Variants in TESPA1 observed in about 807,000 individuals in gnomAD.
The protein encoded by TESPA1 is protein TESPA1.
A neutral mutation model predicts 57.9 loss-of-function variants in TESPA1; 33 were observed. The ratio of observed to expected loss-of-function variants is 0.57; its 90% CI spans 0.43 to 0.76. TESPA1 has a LOEUF of 0.76. TESPA1 is among the 30% of genes least tolerant of loss of function. TESPA1 has a pLI of 0.00. For missense variants in TESPA1, 618 were observed against 632.9 expected, an observed-to-expected ratio of 0.98 and a Z score of 0.25; for synonymous variants, 227 against 228.9, an observed-to-expected ratio of 0.99 and a Z score of 0.07.
chr12:54,984,912 G>A (rs1952437336), upstream of TESPA1, among the ~76,000 whole-genome samples: 1 of 152,188 alleles, frequency 6.6e-6, no homozygotes, highest in South Asian at 2.1e-4. Flanking sequence ...TCCTGCCCCA[G>A]AGCTGCCTCT....
At chr12:54,951,935 G>A (rs961693299) in intron 10 of TESPA1, among the ~76,000 whole-genome samples, 2 of 150,918 alleles carry the variant, frequency 1.3e-5, no homozygotes, top group Admixed American at 1.3e-4. Flanking sequence ...TTATAAGTAA[G>A]CCTTGAACTC....
chr12:54,976,094 A>G (rs1952125635), intron 1 of TESPA1, among the ~76,000 whole-genome samples: 1 of 152,208 alleles, frequency 6.6e-6, no homozygotes, highest in South Asian at 2.1e-4. Flanking sequence ...TTAATGTCAT[A>G]AAGAAGCCTC....
intron 3 of TESPA1, chr12:54,968,145 G>T: frequency 1.3e-6 from 1 of 753,094 alleles, no homozygotes; most frequent in Non-Finnish European, 2.0e-6. Flanking sequence ...CAGGACTAAA[G>T]GACGAAAGTC....
At chr12:54,958,884 C>T (rs1468619213) in intron 10 of TESPA1, among the ~76,000 whole-genome samples, 1 of 152,140 alleles carries the variant, frequency 6.6e-6, no homozygotes, top group East Asian at 1.9e-4. Context: ...TTCCATCTCT[C>T]TGTTCATTTG....
chr12:54,951,630 T>C (rs1380238249), intron 10 of TESPA1, among the ~76,000 whole-genome samples: 1 of 139,256 alleles, frequency 7.2e-6, no homozygotes, highest in East Asian at 1.9e-4. Flanking sequence ...ATAAAAATAT[T>C]CTTATCAAGG....
chr12:54,965,703 T>G (rs182801761), intron 7 of TESPA1, among the ~76,000 whole-genome samples: 5 of 152,200 alleles, frequency 3.3e-5, no homozygotes, highest in African/African-American at 2.4e-5. Flanking sequence ...TGAATTAATA[T>G]TTTATTGCTT....
intron 1 of TESPA1, among the ~76,000 whole-genome samples, chr12:54,979,100 G>A (rs1952226743): frequency 1.3e-5 from 2 of 152,186 alleles, no homozygotes; most frequent in South Asian, 4.1e-4. Flanking sequence ...AGTTAGTGAA[G>A]AGGAAAAAGG....
intron 3 of TESPA1, among the ~76,000 whole-genome samples, chr12:54,971,245 A>G (rs1951811618): frequency 6.6e-6 from 1 of 152,256 alleles, no homozygotes; most frequent in African/African-American, 2.4e-5. Flanking sequence ...CACCTGGCAG[A>G]GTGGACAGAT....
chr12:54,964,049 C>T (rs1020563675), intron 7 of TESPA1, 99 bp from the exon 8 acceptor site: 13 of 1,239,354 alleles, frequency 1.0e-5, no homozygotes, highest in Non-Finnish European at 1.4e-5. Flanking sequence ...GACTGAAATT[C>T]TTTTCTGTCC....
rs369471030 is a variant in TESPA1 at position 54,956,054 on chromosome 12, T to A, written c.*1+5114A>T. On this transcript the variant is annotated intron_variant, in intron 10 of 10. Transcript: ENST00000449076. ...TAATATCCATAAGTGCTAAAGATAC[T>A]GTCTGCTATGTAGTAATCCCTATAT... is the stretch of plus-strand genomic sequence containing the variant. 1.5e-4 allele frequency among the ~76,000 whole-genome samples: 23 copies of A among 152,368 alleles called. 1 individual carries two copies. Among genetic ancestry groups the A allele is most frequent in the African/African-American group, 5.5e-4 (23 of 41,582 alleles).
intron 3 of TESPA1, 46 bp downstream of exon 3, chr12:54,973,431 T>C (rs1450787221): frequency 1.9e-6 from 3 of 1,613,214 alleles, no homozygotes; most frequent in Middle Eastern, 1.7e-4. Context: ...TGTTAGCAAA[T>C]TCAACCATCA....
At chr12:54,967,118 A>G in intron 5 of TESPA1, 65 bp downstream of exon 5, 2 of 1,582,996 alleles carry the variant, frequency 1.3e-6, no homozygotes, top group Non-Finnish European at 1.7e-6. Flanking sequence ...CTTCCATCCT[A>G]TCCTGAATTC....
chr12:54,968,528 C>T (rs1951595701), intron 3 of TESPA1, among the ~76,000 whole-genome samples: 1 of 152,196 alleles, frequency 6.6e-6, no homozygotes. Context: ...GGAAGAAATT[C>T]TCTCTGTCCA....
In TESPA1 at chr12:54,954,209, C is replaced by T. The variant is rs118122236; in HGVS notation, c.*2-3819G>A. On this transcript the variant is annotated intron_variant, in intron 10 of 10. Transcript: ENST00000449076. ...GGCCATATGCTCTGATGGAAACGGCCTTGGCTTGGATCTCAGGAGACCTGG... is the reference window on the plus strand; with the variant it reads ...GGCCATATGCTCTGATGGAAACGGCTTTGGCTTGGATCTCAGGAGACCTGG... 6.6e-3 allele frequency among the ~76,000 whole-genome samples: 1,009 copies of T among 152,318 alleles called. 7 individuals carry two copies. Among genetic ancestry groups the T allele is most frequent in the Non-Finnish European group, 9.0e-3 (612 of 68,014 alleles).
At chr12:54,968,733 G>A (rs1180725447) in intron 3 of TESPA1, among the ~76,000 whole-genome samples, 1 of 152,102 alleles carries the variant, frequency 6.6e-6, no homozygotes, top group African/African-American at 2.4e-5. Context: ...CTTTCCTAAA[G>A]CTTTTTACAT....
At position 54,963,242 on chromosome 12, in the gene TESPA1, C is replaced by T; in HGVS notation, c.656G>A (p.Ser219Asn). 1.2e-6 allele frequency: 2 copies of T among 1,608,282 alleles called. No individual in the cohort carries two copies. Among genetic ancestry groups the T allele is most frequent in the Non-Finnish European group, 1.7e-6 (2 of 1,177,520 alleles). ...EMEDPCLMLA[S>N]RFKQVQTLAV... ...CAGTGTTTGCACCTGCTTAAACCTG[C>T]CTGGGTACAAGAGTTAAAGATGGTA... Residue 219 changes from serine (S) to asparagine (N), a missense_variant and splice_region_variant, in exon 9 of 11, where the codon AGC (serine) becomes AAC (asparagine). Ser to Asn is a conservative substitution (Grantham distance 46, BLOSUM62 1). Transcript: ENST00000449076.
In TESPA1 at chr12:54,949,088, TG is replaced by T. The variant is rs35744508; in HGVS notation, c.*1303del. ...GGTGGGAAGGGTAGGAAACTTGGAG[TG>T]GGGGGGCTTTTTCCAAATTGTGAAA... is the stretch of plus-strand genomic sequence containing the variant. On this transcript the variant is annotated 3_prime_UTR_variant, in exon 11 of 11. Coordinates refer to ENST00000449076, the MANE Select transcript of TESPA1 (RefSeq NM_001136030.3). 92,738 of 151,836 alleles carry T rather than the reference TG, an allele frequency of 0.61. 29,045 individuals carry two copies. The highest frequency in any genetic ancestry group is 0.68 in the Non-Finnish European group (46,422 of 67,978). The allele number at this position is 151,836 out of a possible 1,614,324, so 9.4% of individuals were successfully genotyped here.
chr12:54,966,476 C>A, intron 5 of TESPA1, 52 bp from the exon 6 acceptor site: 1 of 1,596,174 alleles, frequency 6.3e-7, no homozygotes, highest in South Asian at 1.1e-5. Flanking sequence ...AAATGAAAAT[C>A]ACCTGTGTTG....
At chr12:54,960,701 T>C (rs1250296973) in intron 10 of TESPA1, among the ~76,000 whole-genome samples, 1 of 152,206 alleles carries the variant, frequency 6.6e-6, no homozygotes, top group African/African-American at 2.4e-5. Flanking sequence ...ACAGTCCACA[T>C]TTCTAACAAA....
Sources: gnomAD v4.1 joint callset for allele counts (sites outside exome capture counted in the v4.1 genomes callset) on GRCh38, gnomAD v4.1.1 for gene constraint, MANE v1.5 for transcripts, NCBI Gene and HGNC (gene_info 2026-07-23, HGNC 2026-07-21) for gene names.